The following PTPN3 variants were observed in gnomAD, a reference collection of about 807,000 sequenced individuals.
PTPN3 encodes protein tyrosine phosphatase non-receptor type 3, also known as tyrosine-protein phosphatase non-receptor type 3.
In PTPN3, 96 loss-of-function variants were observed where a neutral mutation model predicts 132.7. The ratio of observed to expected loss-of-function variants is 0.72; its 90% CI spans 0.61 to 0.86. The LOEUF is 0.86. PTPN3 is among the 40% of genes least tolerant of loss of function. The pLI is 0.00. For missense variants in PTPN3, 1,125 were observed against 1,159.6 expected (o/e 0.97, Z 0.43); for synonymous variants, 398 against 429.0 (o/e 0.93, Z 0.89).
chr9:109,408,238 A>G, intron 17 of PTPN3, 83 bp downstream of exon 17: 2 of 1,166,786 alleles, frequency 1.7e-6, no homozygotes, highest in Non-Finnish European at 2.4e-6. Context: ...GCAAAAAAAG[A>G]AACAGGACTC....
intron 12 of PTPN3, among the ~76,000 whole-genome samples, chr9:109,423,803 C>G (rs899843821): frequency 6.6e-6 from 1 of 152,120 alleles, no homozygotes; most frequent in Admixed American, 6.5e-5. Context: ...TCTGGCATCT[C>G]TAAATTTTAA....
At chr9:109,402,522 A>G (rs1841224404) in intron 19 of PTPN3, among the ~76,000 whole-genome samples, 1 of 151,212 alleles carries the variant, frequency 6.6e-6, no homozygotes, top group South Asian at 2.1e-4. Flanking sequence ...CAGGTGATCC[A>G]CTCGCCTCAG....
chr9:109,508,781 T>C, the PTPN3 span, among the ~76,000 whole-genome samples: 4 of 152,166 alleles, frequency 2.6e-5, no homozygotes, highest in Non-Finnish European at 5.9e-5. Flanking sequence ...AAATAAGGTA[T>C]AACTAATCTG....
At chr9:109,401,283 C>T (rs543149209) in intron 19 of PTPN3, among the ~76,000 whole-genome samples, 4 of 152,210 alleles carry the variant, frequency 2.6e-5, no homozygotes, top group South Asian at 2.1e-4. Context: ...TCTGGAACAG[C>T]GTGTGCATCA....
intron 13 of PTPN3, among the ~76,000 whole-genome samples, chr9:109,422,352 T>C (rs1288492770): frequency 6.6e-6 from 1 of 152,200 alleles, no homozygotes; most frequent in Non-Finnish European, 1.5e-5. Context: ...AAGTTTATTT[T>C]GTGGGATATT....
At chr9:109,450,411 T>A in intron 5 of PTPN3, 2 of 984,606 alleles carry the variant, frequency 2.0e-6, no homozygotes, top group Non-Finnish European at 2.4e-6. Context: ...GATAATCCAA[T>A]GGTGAACCCG....
Position 109,382,344 on chromosome 9 carries a change from C to A in PTPN3, c.2486G>T (p.Arg829Met). 6.2e-7 allele frequency: 1 copy of A among 1,614,106 alleles called. No homozygotes were observed. The highest frequency in any genetic ancestry group is 8.5e-7 in the Non-Finnish European group (1 of 1,179,978). ...GGGCTCGCTGTCCACTCTCAGAGAC[C>A]TCACATAGTTTACAAATTCCAGAAA... ...SDFLEFVNYV[R>M]SLRVDSEPVL... The change falls in exon 24 of 26, where the codon AGG becomes ATG. Residue 829 changes from arginine (R) to methionine (M), a missense_variant. Coordinates refer to ENST00000374541, the MANE Select transcript of PTPN3 (RefSeq NM_002829.4).
At chr9:109,417,755 C>G (rs1352738383) in intron 14 of PTPN3, 34 of 985,178 alleles carry the variant, frequency 3.5e-5, no homozygotes, top group Non-Finnish European at 4.1e-5. Context: ...CTAACTTGAC[C>G]CCCTGACATG....
At chr9:109,501,671 C>T (rs1054120077), upstream of PTPN3, among the ~76,000 whole-genome samples, 5 of 152,206 alleles carry the variant, frequency 3.3e-5, no homozygotes, top group Admixed American at 6.5e-5. Context: ...TCTTCTTAGG[C>T]TATTGTTGAA....
intron 1 of PTPN3, among the ~76,000 whole-genome samples, chr9:109,469,013 A>C (rs1846239224): frequency 6.6e-6 from 1 of 152,254 alleles, no homozygotes; most frequent in Non-Finnish European, 1.5e-5. Context: ...TATGTGATAC[A>C]TCTTTGAGCT....
intron 1 of PTPN3, among the ~76,000 whole-genome samples, chr9:109,468,565 A>G (rs1846217348): frequency 6.6e-6 from 1 of 152,064 alleles, no homozygotes; most frequent in Non-Finnish European, 1.5e-5. Flanking sequence ...ACAGGGTTTC[A>G]CCATGTTAGC....
At chr9:109,486,805 G>C (rs1847234613) in intron 1 of PTPN3, among the ~76,000 whole-genome samples, 1 of 152,078 alleles carries the variant, frequency 6.6e-6, no homozygotes, top group South Asian at 2.1e-4. Flanking sequence ...CATGGGGGCA[G>C]TTACCCCCAT....
chr9:109,388,458 G>GA (rs1248808620), intron 22 of PTPN3, among the ~76,000 whole-genome samples: 12 of 152,132 alleles, frequency 7.9e-5, no homozygotes, highest in African/African-American at 2.9e-4. Flanking sequence ...AGAAAGAAAG[G>GA]GCTGGGAAAC....
chr9:109,521,349 G>T, the PTPN3 span, among the ~76,000 whole-genome samples: 1 of 151,978 alleles, frequency 6.6e-6, no homozygotes, highest in Non-Finnish European at 1.5e-5. Flanking sequence ...TTGTAGAGAT[G>T]AGGTATCACC....
At chr9:109,412,025 TC>T (rs1842111046) in intron 14 of PTPN3, among the ~76,000 whole-genome samples, 1 of 151,972 alleles carries the variant, frequency 6.6e-6, no homozygotes, top group African/African-American at 2.4e-5. Flanking sequence ...TTTACAAAAT[TC>T]CCCCCAAATA....
At chr9:109,391,641 G>C (rs1181588871) in intron 19 of PTPN3, 80 bp from the exon 20 acceptor site, 3 of 1,161,634 alleles carry the variant, frequency 2.6e-6, no homozygotes, top group Non-Finnish European at 3.7e-6. Context: ...ATCATTCACA[G>C]TACCAAAATC....
At chr9:109,516,347 A>T in the PTPN3 span, among the ~76,000 whole-genome samples, 1 of 152,236 alleles carries the variant, frequency 6.6e-6, no homozygotes, top group African/African-American at 2.4e-5. Flanking sequence ...TACGAGTACG[A>T]TACTGAGGGA....
chr9:109,473,449 C>T (rs1456862716), intron 1 of PTPN3, among the ~76,000 whole-genome samples: 1 of 152,164 alleles, frequency 6.6e-6, no homozygotes, highest in Non-Finnish European at 1.5e-5. Flanking sequence ...CACCATGACA[C>T]TTGCAAAACT....
At chr9:109,423,003 C>G (rs1239503728) in intron 12 of PTPN3, 151 bp from the exon 13 acceptor site, 2 of 946,802 alleles carry the variant, frequency 2.1e-6, no homozygotes, top group African/African-American at 1.7e-5. Context: ...AGCTCAAAAG[C>G]GATTCCTGTC....
Sources: gnomAD v4.1 joint callset for allele counts (sites outside exome capture counted in the v4.1 genomes callset) on GRCh38, gnomAD v4.1.1 for gene constraint, MANE v1.5 for transcripts, NCBI Gene and HGNC (gene_info 2026-07-23, HGNC 2026-07-21) for gene names.